The following CBFA2T3 variants were observed in gnomAD, a reference collection of about 807,000 sequenced individuals.
CBFA2T3 encodes the protein CBFA2/RUNX1 partner transcriptional co-repressor 3.
CBFA2T3 carries 31 observed loss-of-function variants against 58.6 expected under a neutral mutation model. The observed-to-expected ratio is 0.53, with a 90% CI of 0.40 to 0.71. The LOEUF (loss-of-function observed/expected upper bound fraction) is 0.71. Among genes scored for constraint, CBFA2T3 ranks in the 30% least tolerant of loss-of-function variants. The pLI is 0.00. For synonymous variants in CBFA2T3, 531 were observed against 421.9 expected (o/e 1.26, Z -3.17); for missense variants, 1,076 against 963.1 (o/e 1.12, Z -1.55).
At chr16:88,951,618 T>G (rs1244325081) in intron 1 of CBFA2T3, 1 of 361,650 alleles carries the variant, frequency 2.8e-6, no homozygotes, top group East Asian at 7.3e-5. Flanking sequence ...GTCACAGACC[T>G]GCTGCCACGG....
intron 1 of CBFA2T3, among the ~76,000 whole-genome samples, chr16:88,912,302 A>C (rs1474905323): frequency 6.6e-6 from 1 of 152,198 alleles, no homozygotes; most frequent in Non-Finnish European, 1.5e-5. Flanking sequence ...CGCCAAAGAA[A>C]TGCGGAAGAT....
At chr16:88,948,233 C>T (rs1390997915) in intron 1 of CBFA2T3, among the ~76,000 whole-genome samples, 3 of 152,292 alleles carry the variant, frequency 2.0e-5, no homozygotes, top group Admixed American at 6.5e-5. Flanking sequence ...GCTGACAAAT[C>T]GGTTCTGTCC....
Position 88,926,005 on chromosome 16 carries a change from C to T in CBFA2T3, c.152-24349G>A, listed in dbSNP as rs149083715. On this transcript the variant is annotated intron_variant, in intron 1 of 11. Transcript: ENST00000268679. ...CTGCAGCCTCGAACTGGCACCATCT[C>T]TTCTGCCCCCTGGAAGGTCAGCTCC... Among the ~76,000 whole-genome samples the T allele has an allele frequency of 6.8e-3, 1,035 of 152,362 alleles. 8 individuals carry two copies. Among genetic ancestry groups the T allele is most frequent in the Non-Finnish European group, 0.01 (686 of 68,030 alleles).
intron 1 of CBFA2T3, among the ~76,000 whole-genome samples, chr16:88,975,185 T>TGACCTCC (rs1482557315): frequency 5.8e-5 from 4 of 68,694 alleles, no homozygotes; most frequent in Admixed American, 1.8e-4. Flanking sequence ...TCCACATCTT[T>TGACCTCC]AGCCATGTCA....
At position 88,892,144 on chromosome 16, in the gene CBFA2T3, G is replaced by A. The variant is rs756908357; in HGVS notation, c.621+100C>T. 413 of 1,459,376 alleles carry A rather than the reference G, an allele frequency of 2.8e-4. 1 individual carries two copies. Among genetic ancestry groups the A allele is most frequent in the Non-Finnish European group, 3.7e-4 (397 of 1,065,680 alleles). The allele number at this position is 1,459,376 out of a possible 1,614,324, so 90.4% of individuals were successfully genotyped here. A position where few individuals can be genotyped will look rare whatever the true frequency, so the allele number is the denominator to read the frequency against. ...CGTGGGAGCGGGTCCACGCCCGGTT[G>A]TCAGCGTGGAGCCCATGTAAGGAGT... On this transcript the variant is annotated intron_variant, in intron 4 of 11. Transcript: ENST00000268679.
At chr16:88,965,418 A>C (rs1352988695) in intron 1 of CBFA2T3, among the ~76,000 whole-genome samples, 3 of 152,240 alleles carry the variant, frequency 2.0e-5, no homozygotes, top group Non-Finnish European at 4.4e-5. Context: ...GAGGCTGCAA[A>C]TTGGCCCATG....
intron 1 of CBFA2T3, chr16:88,941,271 T>C (rs1424204687): frequency 2.9e-6 from 2 of 681,072 alleles, no homozygotes; most frequent in Non-Finnish European, 3.6e-6. Context: ...CCCGGGGCGG[T>C]CTCCGGCCTC....
At chr16:88,880,910 G>A in intron 9 of CBFA2T3, 122 bp from the exon 10 acceptor site, 2 of 908,872 alleles carry the variant, frequency 2.2e-6, no homozygotes, top group Non-Finnish European at 3.4e-6. Flanking sequence ...CTGGGGGGAG[G>A]CCCAGGTGCC....
rs556529679 is a variant in CBFA2T3, at chr16:88,965,535, A to G, written c.151+11122T>C. On this transcript the variant is annotated intron_variant, in intron 1 of 11. Transcript: ENST00000268679. ...TCCTGCTTCTACAACCCAGGGGGCT[A>G]GGTCCCTGCGGGGCAGAGAGTTTGC... Among the ~76,000 whole-genome samples, 620 of 152,358 alleles carry G rather than the reference A, an allele frequency of 4.1e-3. 10 individuals carry two copies. The highest frequency in any genetic ancestry group is 0.015 in the African/African-American group (607 of 41,576).
intron 1 of CBFA2T3, among the ~76,000 whole-genome samples, chr16:88,927,350 G>A (rs1023824641): frequency 4.6e-5 from 7 of 152,202 alleles, no homozygotes; most frequent in African/African-American, 1.7e-4. Context: ...CCCCATCTGT[G>A]GGGAGAGGCA....
At chr16:88,894,386 CACAT>C (rs756550064) in intron 3 of CBFA2T3, among the ~76,000 whole-genome samples, 14 of 113,904 alleles carry the variant, frequency 1.2e-4, no homozygotes, top group Non-Finnish European at 2.0e-4. Flanking sequence ...ACAATGTACA[CACAT>C]GCACACACAC....
chr16:88,909,674 G>A (rs1970465321), intron 1 of CBFA2T3, among the ~76,000 whole-genome samples: 1 of 152,312 alleles, frequency 6.6e-6, no homozygotes, highest in East Asian at 1.9e-4. Flanking sequence ...AGGCACAGAT[G>A]TGCAAAGAGG....
intron 1 of CBFA2T3, among the ~76,000 whole-genome samples, chr16:88,925,787 T>C (rs2636950): frequency 0.42 from 64,101 of 152,086 alleles, 14,053 homozygotes; most frequent in Middle Eastern, 0.6. Flanking sequence ...TCAGAGCTGC[T>C]CCTGCTCCCC....
At chr16:88,936,336 C>T (rs1336730328) in intron 1 of CBFA2T3, among the ~76,000 whole-genome samples, 4 of 152,174 alleles carry the variant, frequency 2.6e-5, no homozygotes, top group Admixed American at 1.3e-4. Context: ...AAGACTGCCC[C>T]GGTGCCTGGA....
chr16:88,945,319 T>G (rs1156702803), intron 1 of CBFA2T3, among the ~76,000 whole-genome samples: 4 of 152,194 alleles, frequency 2.6e-5, no homozygotes, highest in African/African-American at 9.7e-5. Flanking sequence ...CAGGTTGGAT[T>G]TCATTAAAAT....
intron 1 of CBFA2T3, among the ~76,000 whole-genome samples, chr16:88,947,929 G>A (rs1298680704): frequency 6.6e-6 from 1 of 152,156 alleles, no homozygotes; most frequent in Non-Finnish European, 1.5e-5. Flanking sequence ...TAAAAATAAA[G>A]ATACAAAGTA....
intron 1 of CBFA2T3, among the ~76,000 whole-genome samples, chr16:88,971,920 C>T (rs1037713198): frequency 5.9e-5 from 9 of 152,246 alleles, no homozygotes; most frequent in Non-Finnish European, 1.0e-4. Flanking sequence ...GGCAGGTTAA[C>T]GGGACGCACT....
rs1968805194 is a variant in CBFA2T3, at chr16:88,875,674, G to A, written c.*1302C>T. 1 of 233,648 alleles carries A rather than the reference G, an allele frequency of 4.3e-6. No individual in the cohort carries two copies. The highest frequency in any genetic ancestry group is 6.0e-5 in the East Asian group (1 of 16,592). 14.5% of individuals were successfully genotyped at this position (233,648 alleles called of 1,614,324 possible). ...CGCGGAGAGGAGAGAGGTAGAGGAG[G>A]ACGGGCTGGCCGAGAAGCAGTGTTT... On this transcript the variant is annotated 3_prime_UTR_variant, in exon 12 of 12. Transcript: ENST00000268679.
At chr16:88,894,067 T>C (rs1298283113) in intron 3 of CBFA2T3, among the ~76,000 whole-genome samples, 5 of 152,086 alleles carry the variant, frequency 3.3e-5, no homozygotes, top group African/African-American at 1.2e-4. Context: ...AAGGACACGC[T>C]CCCTACAAAG....
Sources: gnomAD v4.1 joint callset for allele counts (sites outside exome capture counted in the v4.1 genomes callset) on GRCh38, gnomAD v4.1.1 for gene constraint, MANE v1.5 for transcripts, NCBI Gene and HGNC (gene_info 2026-07-23, HGNC 2026-07-21) for gene names.